The following MAN1C1 variants were observed in gnomAD, a reference collection of about 807,000 sequenced individuals.
MAN1C1 encodes the protein mannosyl-oligosaccharide 1,2-alpha-mannosidase IC.
A neutral mutation model predicts 71.5 loss-of-function variants in MAN1C1; 49 were observed. The observed-to-expected ratio is 0.69, with a 90% CI of 0.54 to 0.87. The LOEUF is 0.87. MAN1C1 is among the 40% of genes least tolerant of loss of function. The pLI is 0.00. For synonymous variants in MAN1C1, 352 were observed against 343.7 expected, an observed-to-expected ratio of 1.02 and a Z score of -0.27; for missense variants, 743 against 835.0, an observed-to-expected ratio of 0.89 and a Z score of 1.36.
At position 25,710,975 on chromosome 1, in the gene MAN1C1, G is replaced by A. The variant is rs12137533; in HGVS notation, c.637+24439G>A. ...GGCTGAACTCATTGTATCAACTAAC[G>A]GTTGCTGTGTAACAAACCACCCTGA... is the stretch of plus-strand genomic sequence containing the variant. On this transcript the variant is annotated intron_variant, in intron 2 of 11. Transcript: ENST00000374332. Among the ~76,000 whole-genome samples the A allele has an allele frequency of 2.3e-3, 354 of 152,196 alleles. 3 individuals carry two copies. Among genetic ancestry groups the A allele is most frequent in the Non-Finnish European group, 4.3e-3 (295 of 68,002 alleles).
At chr1:25,694,954 G>A (rs534112662) in intron 2 of MAN1C1, among the ~76,000 whole-genome samples, 4 of 152,188 alleles carry the variant, frequency 2.6e-5, no homozygotes, top group Non-Finnish European at 4.4e-5. Context: ...TGGGGGGTTA[G>A]CACATAGTAA....
At chr1:25,701,248 G>T (rs936416594) in intron 2 of MAN1C1, among the ~76,000 whole-genome samples, 1 of 152,214 alleles carries the variant, frequency 6.6e-6, no homozygotes, top group Admixed American at 6.5e-5. Context: ...AGGCACCATG[G>T]GAAGGGTCCC....
Position 25,617,815 on chromosome 1 carries a change from G to T in MAN1C1, c.18G>T (p.Val6=), listed in dbSNP as rs1201792620. 5 of 1,602,086 alleles carry T rather than the reference G, an allele frequency of 3.1e-6. No homozygotes were observed. The Admixed American group carries it at 8.5e-5, about 27-fold the overall frequency. MLMRK[V]PGFVPASPWG... ...GGGCCACGATGCTCATGAGGAAAGT[G>T]CCCGGCTTCGTCCCGGCCTCCCCGT... Residue 6 remains valine (V), a synonymous_variant, in exon 1 of 12, where the codon GTG becomes GTT. Transcript: ENST00000374332. The surrounding 1 kb of genome is among the most constrained non-coding windows in gnomAD (Gnocchi z 5.1).
Position 25,753,627 on chromosome 1 carries a change from AC to A in MAN1C1, c.929+51del. On this transcript the variant is annotated intron_variant, in intron 5 of 11. Coordinates refer to ENST00000374332, the MANE Select transcript of MAN1C1 (RefSeq NM_020379.4). The surrounding 1 kb of genome is among the most constrained non-coding windows in gnomAD (Gnocchi z 4.9). ...CTGGGGCTTTACTGCGACCATGCCC[AC>A]CATTTGTGTTTTGTCTGGGTGGTGC... is the stretch of plus-strand genomic sequence containing the variant. The A allele has an allele frequency of 1.9e-6, 3 of 1,548,704 alleles. No homozygotes were observed. In the East Asian group the frequency reaches 6.9e-5, roughly 36 times the overall value.
chr1:25,659,543 G>T (rs962867338), intron 1 of MAN1C1, among the ~76,000 whole-genome samples: 6 of 152,180 alleles, frequency 3.9e-5, no homozygotes, highest in Non-Finnish European at 7.3e-5. Context: ...TAATTCAAAA[G>T]AAATCTTTCT....
At position 25,753,407 on chromosome 1, in the gene MAN1C1, C is replaced by A; in HGVS notation, c.835-77C>A. 1 of 1,120,356 alleles carries A rather than the reference C, an allele frequency of 8.9e-7. No individual in the cohort carries two copies. The highest frequency in any genetic ancestry group is 1.3e-6 in the Non-Finnish European group (1 of 776,110). The allele number at this position is 1,120,356 out of a possible 1,614,324, so 69.4% of individuals were successfully genotyped here. ...GACCTGCAGCCCTGGGGGGTTCATC[C>A]TGCCTGCAGCAGTTCTGGGGTTGAC... On this transcript the variant is annotated intron_variant, in intron 4 of 11. Transcript: ENST00000374332. This position sits in a 1 kb window ranked among gnomAD's most constrained non-coding sequence, Gnocchi z 4.9.
intron 1 of MAN1C1, 139 bp downstream of exon 1, chr1:25,618,476 C>T (rs2124744641): frequency 1.3e-6 from 1 of 777,872 alleles, no homozygotes. Context: ...CTGCACTTTG[C>T]ACCTTCCCCT....
At chr1:25,756,810 C>T (rs953949966) in intron 5 of MAN1C1, among the ~76,000 whole-genome samples, 17 of 152,164 alleles carry the variant, frequency 1.1e-4, no homozygotes, top group Admixed American at 2.6e-4. Flanking sequence ...TGATGCTTTA[C>T]GTTATGGGCT....
rs531166683 is a variant in MAN1C1, at chr1:25,619,041, T to C, written c.540+704T>C. Among the ~76,000 whole-genome samples, 3 of 152,314 alleles carry C rather than the reference T, an allele frequency of 2.0e-5. No homozygotes were observed. In the East Asian group the frequency reaches 5.8e-4, roughly 29 times the overall value. Reference sequence around the variant, plus strand: ...AAGCAGATCTTGAGCTGGTTCCCTGTAGGGATTGTACCAGGAGGGATTTAG... The same window carrying C: ...AAGCAGATCTTGAGCTGGTTCCCTGCAGGGATTGTACCAGGAGGGATTTAG... On this transcript the variant is annotated intron_variant, in intron 1 of 11. Transcript: ENST00000374332.
At position 25,782,680 on chromosome 1, in the gene MAN1C1, CT is replaced by C. The variant is rs754142812; in HGVS notation, c.1749del (p.Leu584Ter). The C allele has an allele frequency of 6.2e-7, 1 of 1,613,994 alleles. No homozygotes were observed. Among genetic ancestry groups the C allele is most frequent in the Non-Finnish European group, 8.5e-7 (1 of 1,179,894 alleles). On this transcript the variant is annotated frameshift_variant, in exon 11 of 12. Transcript: ENST00000374332. LOFTEE classifies it high-confidence loss of function. This position sits in a 1 kb window ranked among gnomAD's most constrained non-coding sequence, Gnocchi z 4.4. ...PNHDNKQQSF[F>X]LAETLKYLYL... Reference sequence around the variant, plus strand: ...ACCACGACAACAAGCAGCAGAGCTTCTTTCTAGCGGAGACACTAAAGTGAGC... The same window carrying C: ...ACCACGACAACAAGCAGCAGAGCTTCTTCTAGCGGAGACACTAAAGTGAGC...
At chr1:25,733,248 C>G (rs1168932667) in intron 2 of MAN1C1, among the ~76,000 whole-genome samples, 1 of 152,174 alleles carries the variant, frequency 6.6e-6, no homozygotes, top group Non-Finnish European at 1.5e-5. Context: ...TTCACCAAAC[C>G]AAGATGGGTA....
rs1484185164 is a variant in MAN1C1, at chr1:25,779,461, G to T, written c.1477+1137G>T. On this transcript the variant is annotated intron_variant, in intron 9 of 11. Transcript: ENST00000374332. The surrounding 1 kb of genome is among the most constrained non-coding windows in gnomAD (Gnocchi z 4.6). ...GCTGTTTCCAGGAAGTCAGAGATTC[G>T]CAATGGGTCTTTAAAACTGGTTGTC... 6.6e-6 allele frequency among the ~76,000 whole-genome samples: 1 copy of T among 152,144 alleles called. No homozygotes were observed. Among genetic ancestry groups the T allele is most frequent in the Non-Finnish European group, 1.5e-5 (1 of 68,026 alleles).
At chr1:25,698,445 C>T (rs12080530) in intron 2 of MAN1C1, among the ~76,000 whole-genome samples, 2 of 152,118 alleles carry the variant, frequency 1.3e-5, no homozygotes, top group Non-Finnish European at 2.9e-5. Flanking sequence ...TTCCTTCATG[C>T]GGGTGGTTGT....
chr1:25,647,414 AC>A (rs2045630820), intron 1 of MAN1C1, among the ~76,000 whole-genome samples: 1 of 152,110 alleles, frequency 6.6e-6, no homozygotes, highest in Non-Finnish European at 1.5e-5. Flanking sequence ...AAGACAGGTT[AC>A]GAGTCCAAAG....
At chr1:25,672,299 C>T (rs971757488) in intron 1 of MAN1C1, among the ~76,000 whole-genome samples, 7 of 152,200 alleles carry the variant, frequency 4.6e-5, no homozygotes, top group East Asian at 1.9e-4. Context: ...TGGGCGAGGG[C>T]GGGCCTTCCT....
rs2045372312 is a variant in MAN1C1 at position 25,631,077 on chromosome 1, G to C, written c.540+12740G>C. On this transcript the variant is annotated intron_variant, in intron 1 of 11. Coordinates refer to ENST00000374332, the MANE Select transcript of MAN1C1 (RefSeq NM_020379.4). The surrounding 1 kb of genome is among the most constrained non-coding windows in gnomAD (Gnocchi z 4.2). ...CCTCCCGCATTTAAGTGATTCTTGTGCCTCAGCCTCCTGAGCAGCTGGGAT... is the reference window on the plus strand; with the variant it reads ...CCTCCCGCATTTAAGTGATTCTTGTCCCTCAGCCTCCTGAGCAGCTGGGAT... Among the ~76,000 whole-genome samples the C allele has an allele frequency of 6.6e-6, 1 of 152,136 alleles. No individual in the cohort carries two copies. Among genetic ancestry groups the C allele is most frequent in the Admixed American group, 6.5e-5 (1 of 15,270 alleles).
At chr1:25,761,920 G>T (rs749249650) in intron 6 of MAN1C1, among the ~76,000 whole-genome samples, 16 of 151,402 alleles carry the variant, frequency 1.1e-4, no homozygotes, top group Admixed American at 5.9e-4. Flanking sequence ...ACTGCACCCA[G>T]CCTCTACTCT....
At chr1:25,758,739 G>C (rs751693087) in intron 6 of MAN1C1, 30 bp downstream of exon 6, 2 of 1,578,806 alleles carry the variant, frequency 1.3e-6, no homozygotes, top group African/African-American at 2.7e-5. Flanking sequence ...TTCTTCCTGC[G>C]GAGCAGAGGG....
chr1:25,704,269 G>A (rs1156673985), intron 2 of MAN1C1, among the ~76,000 whole-genome samples: 2 of 152,172 alleles, frequency 1.3e-5, no homozygotes, highest in East Asian at 1.9e-4. Context: ...TCTGTCTTTG[G>A]AGAACAGCTC....
Sources: allele counts gnomAD v4.1 joint callset (sites outside exome capture counted in the v4.1 genomes callset), GRCh38; gene constraint gnomAD v4.1.1; non-coding constraint Gnocchi (gnomAD v3.1); transcripts MANE v1.5; gene names NCBI Gene and HGNC (gene_info 2026-07-23, HGNC 2026-07-21).